The following GBP7 variants were observed in gnomAD, a reference collection of about 807,000 sequenced individuals.
GBP7 encodes the protein guanylate-binding protein 7.
Under a neutral mutation model 61.3 loss-of-function variants are expected in GBP7, and 43 were observed. The observed-to-expected ratio is 0.70, with a 90% CI of 0.55 to 0.91. The LOEUF (loss-of-function observed/expected upper bound fraction) is 0.91, where lower values mean the gene tolerates loss of function less well. GBP7 is among the 40% of genes least tolerant of loss of function. GBP7 has a pLI of 0.00. For missense variants in GBP7, 717 were observed against 740.5 expected, an observed-to-expected ratio of 0.97 and a Z score of 0.37; for synonymous variants, 267 against 271.0, an observed-to-expected ratio of 0.99 and a Z score of 0.14.
chr1:89,147,729 T>C lies in GBP7; in HGVS notation c.1203A>G (p.Ala401=). ...GCTCAGCCTGACAATATTTGGCAGA[T>C]GCCTCTTCATTCTGCAGCACAAAGT... is the stretch of plus-strand genomic sequence containing the variant. ...KEDFVLQNEE[A]SAKYCQAELK... is the part of the protein sequence containing the mutation. The change falls in exon 8 of 11, where the codon GCA becomes GCG. Residue 401 remains alanine, a synonymous_variant. Transcript: ENST00000294671. The C allele has an allele frequency of 6.2e-7, 1 of 1,614,090 alleles. No individual in the cohort carries two copies. The highest frequency in any genetic ancestry group is 2.2e-5 in the East Asian group (1 of 44,882).
chr1:89,149,267 G>GAAAA (rs754456593), intron 7 of GBP7, 25 bp downstream of exon 7: 2 of 1,166,400 alleles, frequency 1.7e-6, no homozygotes, highest in Non-Finnish European at 2.4e-6. Flanking sequence ...CAGGAATCAA[G>GAAAA]AAAAAAAAAA....
chr1:89,174,673 A>G lies in GBP7; in HGVS notation c.-20+1248T>C, dbSNP rs528413862. Among the ~76,000 whole-genome samples, 38 of 152,304 alleles carry G rather than the reference A, an allele frequency of 2.5e-4. 1 individual carries two copies. In the South Asian group the frequency reaches 7.7e-3, roughly 31 times the overall value. ...TCAGACTGTGGGACTCAGGTTACCC[A>G]ATGGCTTCCTCCTCTCACTGTGCAT... On this transcript the variant is annotated intron_variant, in intron 1 of 10. Coordinates refer to ENST00000294671, the MANE Select transcript of GBP7 (RefSeq NM_207398.3).
In GBP7 at chr1:89,147,644, C is replaced by G; in HGVS notation, c.1288G>C (p.Gly430Arg). 2.5e-6 allele frequency: 4 copies of G among 1,614,126 alleles called. No homozygotes were observed. Among genetic ancestry groups the G allele is most frequent in the South Asian group, 1.1e-5 (1 of 91,082 alleles). The change falls in exon 8 of 11, where the codon GGG becomes CGG. Residue 430 changes from glycine (G) to arginine (R), a missense_variant. Gly to Arg is a moderately radical substitution (Grantham distance 125). Transcript: ENST00000294671. ...SISRGTFFVP[G>R]GHNIYLEAKK... is the part of the protein sequence containing the mutation. ...GCTTCTAAGTAGATATTGTGCCCCC[C>G]CGGAACAAAGAAAGTTCCTCTTGAA...
intron 8 of GBP7, among the ~76,000 whole-genome samples, chr1:89,144,219 A>T (rs1302639479): frequency 2.0e-5 from 3 of 152,128 alleles, no homozygotes; most frequent in Admixed American, 6.5e-5. Context: ...CATTCTTTTT[A>T]TGGCTGCATA....
intron 3 of GBP7, among the ~76,000 whole-genome samples, chr1:89,152,987 T>G (rs914263099): frequency 6.6e-6 from 1 of 152,168 alleles, no homozygotes; most frequent in Non-Finnish European, 1.5e-5. Context: ...CACCTAAACA[T>G]CTCTATTTGC....
intron 1 of GBP7, among the ~76,000 whole-genome samples, chr1:89,172,958 G>T (rs1001366779): frequency 9.9e-5 from 15 of 151,792 alleles, no homozygotes; most frequent in Non-Finnish European, 4.4e-5. Flanking sequence ...AGAGATATTA[G>T]TTTTATTCTG....
At chr1:89,153,087 A>G (rs776200746) in intron 3 of GBP7, among the ~76,000 whole-genome samples, 1 of 152,236 alleles carries the variant, frequency 6.6e-6, no homozygotes, top group South Asian at 2.1e-4. Flanking sequence ...TGTAACCATT[A>G]TGAGGAGAGC....
At position 89,132,158 on chromosome 1, in the gene GBP7, A is replaced by G. The variant is rs753319335; in HGVS notation, c.1908T>C (p.Ile636=). 2 of 1,604,420 alleles carry G rather than the reference A, an allele frequency of 1.2e-6. No individual in the cohort carries two copies. The highest frequency in any genetic ancestry group is 2.2e-5 in the South Asian group (2 of 88,976). ...CNRLRNPGKK[I]IS ...TTTAACAAAAGAAACCTCAGCTTAT[A>G]ATTTTCTTACCAGGATTTCTCAGCC... Residue 636 remains isoleucine (I), a synonymous_variant, in exon 11 of 11, where the codon ATT becomes ATC. Coordinates refer to ENST00000294671, the MANE Select transcript of GBP7 (RefSeq NM_207398.3).
At chr1:89,168,574 G>C (rs571665127) in intron 2 of GBP7, among the ~76,000 whole-genome samples, 11 of 152,082 alleles carry the variant, frequency 7.2e-5, no homozygotes, top group African/African-American at 2.7e-4. Context: ...ATAAACACCT[G>C]ATGAATTAAC....
At chr1:89,156,111 T>A (rs1682310644) in intron 3 of GBP7, among the ~76,000 whole-genome samples, 1 of 152,282 alleles carries the variant, frequency 6.6e-6, no homozygotes, top group Non-Finnish European at 1.5e-5. Flanking sequence ...CTAAGCTTCA[T>A]AAGTGAAGGA....
chr1:89,141,479 T>A, intron 9 of GBP7, 67 bp downstream of exon 9: 1 of 1,384,468 alleles, frequency 7.2e-7, no homozygotes. Flanking sequence ...AATCCTTTTT[T>A]CTGAACATCA....
chr1:89,153,949 T>C (rs754152875), intron 3 of GBP7, among the ~76,000 whole-genome samples: 4 of 152,154 alleles, frequency 2.6e-5, no homozygotes, highest in Non-Finnish European at 4.4e-5. Context: ...GTCAAAATTG[T>C]TAGGGTATGA....
At chr1:89,165,913 C>T (rs590617) in intron 2 of GBP7, among the ~76,000 whole-genome samples, 111,969 of 151,822 alleles carry the variant, frequency 0.74, 41,590 homozygotes, top group African/African-American at 0.81. Flanking sequence ...ACTTAAAGTA[C>T]ATATATAAAA....
intron 8 of GBP7, among the ~76,000 whole-genome samples, chr1:89,145,853 C>A (rs1682049901): frequency 6.6e-6 from 1 of 151,890 alleles, no homozygotes; most frequent in African/African-American, 2.4e-5. Context: ...ATTCCATGTA[C>A]ATTGACTGGA....
At chr1:89,147,853 A>G in intron 7 of GBP7, 74 bp from the exon 8 acceptor site, 1 of 1,490,640 alleles carries the variant, frequency 6.7e-7, no homozygotes, top group Non-Finnish European at 9.3e-7. Context: ...ATCCTCTTGG[A>G]AGAAGTAGTC....
At chr1:89,134,387 G>A (rs1681747181) in intron 9 of GBP7, among the ~76,000 whole-genome samples, 1 of 152,120 alleles carries the variant, frequency 6.6e-6, no homozygotes, top group Non-Finnish European at 1.5e-5. Context: ...AATGACCTTG[G>A]ACCCCACTGC....
At chr1:89,162,087 G>C (rs1647288703) in intron 3 of GBP7, among the ~76,000 whole-genome samples, 1 of 145,966 alleles carries the variant, frequency 6.9e-6, no homozygotes, top group South Asian at 2.2e-4. Context: ...AGTTGTAGTT[G>C]TGCAGTCTTA....
At chr1:89,143,937 C>A (rs1354898933) in intron 8 of GBP7, among the ~76,000 whole-genome samples, 6 of 152,072 alleles carry the variant, frequency 3.9e-5, no homozygotes, top group Admixed American at 3.9e-4. Flanking sequence ...GACTATATTG[C>A]GTGATACTGA....
Position 89,141,402 on chromosome 1 carries a change from C to T in GBP7, c.1468+144G>A, listed in dbSNP as rs114147160. The stretch of plus-strand genomic sequence containing the variant: ...GTGGCTGGATGTTCAATCCCAACTC[C>T]CCTTGTTATTTTCAGTTTTAGCAGA... On this transcript the variant is annotated intron_variant, in intron 9 of 10. Transcript: ENST00000294671. 2,314 of 544,994 alleles carry T rather than the reference C, an allele frequency of 4.2e-3. 34 individuals are homozygous for T. Among genetic ancestry groups the T allele is most frequent in the African/African-American group, 0.039 (2,074 of 52,658 alleles). The allele number at this position is 544,994 out of a possible 1,614,324, so 33.8% of individuals were successfully genotyped here. A position where few individuals can be genotyped will look rare whatever the true frequency, so the allele number is the denominator to read the frequency against.
Sources: gnomAD v4.1 joint callset for allele counts (sites outside exome capture counted in the v4.1 genomes callset) on GRCh38, gnomAD v4.1.1 for gene constraint, MANE v1.5 for transcripts, NCBI Gene and HGNC (gene_info 2026-07-23, HGNC 2026-07-21) for gene names.